The following BRWD1 variants were observed in gnomAD, a reference collection of about 807,000 sequenced individuals.
BRWD1 encodes bromodomain and WD repeat domain containing 1, also known as bromodomain and WD repeat-containing protein 1.
A neutral mutation model predicts 251.2 loss-of-function variants in BRWD1; 82 were observed. The ratio of observed to expected loss-of-function variants is 0.33; its 90% CI spans 0.27 to 0.39. The LOEUF is 0.39. Ranked by LOEUF, BRWD1 falls within the 10% of genes least tolerant of loss-of-function variation. The pLI is 1.00. For missense variants in BRWD1, 2,233 were observed against 2,711.6 expected, an observed-to-expected ratio of 0.82 and a Z score of 3.92; for synonymous variants, 918 against 902.8, an observed-to-expected ratio of 1.02 and a Z score of -0.30.
chr21:39,308,499 A>AG (rs797006710), intron 4 of BRWD1, among the ~76,000 whole-genome samples: 2,133 of 151,488 alleles, frequency 0.014, 50 homozygotes, highest in African/African-American at 0.049. Flanking sequence ...AAAAAAAAAA[A>AG]AAGCAAAAGT....
At chr21:39,217,156 C>A (rs368559931) in intron 31 of BRWD1, 2 of 141,906 alleles carry the variant, frequency 1.4e-5, no homozygotes, top group Admixed American at 7.3e-5. Flanking sequence ...AGTGTAGTGG[C>A]GTGATCTCAG....
At chr21:39,298,059 T>C in intron 5 of BRWD1, 1 of 988,852 alleles carries the variant, frequency 1.0e-6, no homozygotes, top group Non-Finnish European at 1.2e-6. Flanking sequence ...AGAAGCTAAA[T>C]ATCAAATGAA....
At chr21:39,280,359 A>C (rs1037946247) in intron 8 of BRWD1, 111 bp from the exon 9 acceptor site, 1 of 762,984 alleles carries the variant, frequency 1.3e-6, no homozygotes, top group African/African-American at 1.8e-5. Context: ...AAACACATGA[A>C]ATCCAAAATA....
intron 15 of BRWD1, among the ~76,000 whole-genome samples, chr21:39,269,140 A>G (rs766925911): frequency 1.7e-4 from 26 of 152,190 alleles, no homozygotes; most frequent in Admixed American, 9.8e-4. Context: ...GCTATCTTAT[A>G]AATGTTAAAT....
chr21:39,290,069 C>T (rs2035763171), intron 8 of BRWD1, among the ~76,000 whole-genome samples: 1 of 151,814 alleles, frequency 6.6e-6, no homozygotes, highest in Admixed American at 6.6e-5. Flanking sequence ...CTTATTAGTC[C>T]TCTAATTTTT....
chr21:39,218,286 CAGG>C lies in BRWD1; in HGVS notation c.3539-17_3539-15del. The C allele has an allele frequency of 6.3e-7, 1 of 1,591,022 alleles. No homozygotes were observed. Among genetic ancestry groups the C allele is most frequent in the Non-Finnish European group, 8.5e-7 (1 of 1,173,702 alleles). Reference sequence around the variant, plus strand: ...CTGCTGCTATATCTGTTAGGGAAGACAGGAGAGTTTTTAATCAATAAATCCATT... The same window carrying C: ...CTGCTGCTATATCTGTTAGGGAAGACAGAGTTTTTAATCAATAAATCCATT... On this transcript the variant is annotated splice_polypyrimidine_tract_variant and intron_variant, in intron 30 of 40. Transcript: ENST00000342449.
At chr21:39,218,721 G>T in intron 29 of BRWD1, 61 bp from the exon 30 acceptor site, 2 of 1,317,438 alleles carry the variant, frequency 1.5e-6, no homozygotes, top group East Asian at 2.7e-5. Context: ...AATATATACG[G>T]TATTAAAATT....
intron 21 of BRWD1, among the ~76,000 whole-genome samples, chr21:39,241,033 T>C (rs1189975541): frequency 3.3e-5 from 5 of 151,572 alleles, no homozygotes; most frequent in Non-Finnish European, 1.5e-5. Context: ...CCCAAGTAGC[T>C]GGGATTACAG....
intron 13 of BRWD1, among the ~76,000 whole-genome samples, chr21:39,271,911 C>A (rs2035120168): frequency 6.7e-6 from 1 of 149,730 alleles, no homozygotes; most frequent in Non-Finnish European, 1.5e-5. Flanking sequence ...TAGTGACAGG[C>A]TCCTGTAATC....
chr21:39,306,442 A>C (rs1271956876), intron 4 of BRWD1, among the ~76,000 whole-genome samples: 1 of 152,172 alleles, frequency 6.6e-6, no homozygotes, highest in Non-Finnish European at 1.5e-5. Flanking sequence ...TTTCATGTAT[A>C]CGAGTGGTAA....
intron 4 of BRWD1, among the ~76,000 whole-genome samples, chr21:39,306,929 T>C (rs1405003544): frequency 7.9e-5 from 12 of 152,170 alleles, no homozygotes; most frequent in Admixed American, 1.3e-4. Context: ...TCTCAGACCA[T>C]TGCAACCTCT....
In BRWD1 at chr21:39,276,174, G is replaced by A. The variant is rs1054424727; in HGVS notation, c.1144C>T (p.Arg382Trp). 6 of 1,606,390 alleles carry A rather than the reference G, an allele frequency of 3.7e-6. No individual in the cohort carries two copies. The highest frequency in any genetic ancestry group is 1.1e-5 in the South Asian group (1 of 90,350). The change falls in exon 12 of 41, where the codon CGG (arginine) becomes TGG (tryptophan). Residue 382 changes from arginine (R) to tryptophan (W), a missense_variant and splice_region_variant. By Grantham distance (101) the Arg-to-Trp change is moderately radical. Around this residue, in one of 12 missense-constraint regions of BRWD1, gnomAD observed 315 missense variants for 421.8 expected, o/e 0.75. Coordinates refer to ENST00000342449, the MANE Select transcript of BRWD1 (RefSeq NM_033656.4). ...CACACATACAAAACACACACTTACC[G>A]ATCACCATTGTTACAAAATTGGATA... Reference protein sequence around the residue: ...DSIQFCNNGDRFLSGSRDGTA... With the variant: ...DSIQFCNNGDWFLSGSRDGTA...
At chr21:39,292,123 GGGTGGGGGT>G (rs373880264) in intron 8 of BRWD1, among the ~76,000 whole-genome samples, 6,724 of 50,798 alleles carry the variant, frequency 0.13, 1,037 homozygotes, top group Middle Eastern at 0.18. Context: ...TGTGGGGGGT[GGGTGGGGGT>G]GGGGGGGGGG....
At position 39,194,119 on chromosome 21, in the gene BRWD1, A is replaced by G. The variant is rs1198875304; in HGVS notation, c.*2140T>C. On this transcript the variant is annotated 3_prime_UTR_variant, in exon 41 of 41. Coordinates refer to ENST00000342449, the MANE Select transcript of BRWD1 (RefSeq NM_033656.4). ...TAACTATTTTGGACTGAAAGAAAAAATGGTAATTGGATGGCCAGTCAATGA... is the reference window on the plus strand; with the variant it reads ...TAACTATTTTGGACTGAAAGAAAAAGTGGTAATTGGATGGCCAGTCAATGA... The G allele has an allele frequency of 1.0e-6, 1 of 985,406 alleles. No homozygotes were observed. Among genetic ancestry groups the G allele is most frequent in the Non-Finnish European group, 1.2e-6 (1 of 829,860 alleles). The allele number at this position is 985,406 out of a possible 1,614,324, so 61.0% of individuals were successfully genotyped here.
At chr21:39,313,640 C>T (rs559419582), upstream of BRWD1, 4 of 509,162 alleles carry the variant, frequency 7.9e-6, no homozygotes, top group Non-Finnish European at 1.2e-5. Context: ...CCTGGACCGA[C>T]GCCTCCGCGG....
chr21:39,257,611 G>A (rs976690262), intron 18 of BRWD1, among the ~76,000 whole-genome samples: 6 of 152,068 alleles, frequency 3.9e-5, no homozygotes, highest in African/African-American at 1.4e-4. Context: ...GGAAGAGTAA[G>A]TAAGGACTCA....
At chr21:39,290,018 C>G (rs1018764780) in intron 8 of BRWD1, among the ~76,000 whole-genome samples, 2 of 147,552 alleles carry the variant, frequency 1.4e-5, no homozygotes, top group Non-Finnish European at 3.0e-5. Flanking sequence ...GAGTGAGACT[C>G]CATCTCAAAA....
At chr21:39,288,036 G>C (rs567566578) in intron 8 of BRWD1, among the ~76,000 whole-genome samples, 1 of 152,144 alleles carries the variant, frequency 6.6e-6, no homozygotes, top group African/African-American at 2.4e-5. Flanking sequence ...TCAAGGCTGA[G>C]AGATGCAGTC....
chr21:39,271,465 G>A (rs187066699), intron 13 of BRWD1, among the ~76,000 whole-genome samples: 17 of 151,564 alleles, frequency 1.1e-4, no homozygotes, highest in Admixed American at 8.6e-4. Flanking sequence ...CGAGGCAGGC[G>A]GATAACGAGG....
Sources: allele counts gnomAD v4.1 joint callset (sites outside exome capture counted in the v4.1 genomes callset), GRCh38; gene constraint gnomAD v4.1.1; regional missense constraint gnomAD v4.1.1; transcripts MANE v1.5; gene names NCBI Gene and HGNC (gene_info 2026-07-23, HGNC 2026-07-21).